The following PLK4 variants were observed in gnomAD, a reference collection of about 807,000 sequenced individuals.
PLK4 encodes the protein serine/threonine-protein kinase PLK4.
PLK4 carries 51 observed loss-of-function variants against 103.0 expected under a neutral mutation model. The ratio of observed to expected loss-of-function variants is 0.50; its 90% confidence interval spans 0.40 to 0.63. PLK4 has a LOEUF of 0.63. PLK4 is among the 20% of genes least tolerant of loss of function. PLK4 has a pLI of 0.00. For synonymous variants in PLK4, 389 were observed against 376.8 expected (o/e 1.03, Z -0.38); for missense variants, 1,054 against 1,151.0 (o/e 0.92, Z 1.22).
At position 127,891,090 on chromosome 4, in the gene PLK4, A is replaced by G. The variant is rs867173170; in HGVS notation, c.1831-2A>G. ...CTGATTTTGGGTTTTTTTTTTTTTT[A>G]GGTGAGCATACTTGATTCAGAGGAG... is the stretch of plus-strand genomic sequence containing the variant. On this transcript the variant is annotated splice_acceptor_variant, in intron 7 of 15. Transcript: ENST00000270861. LOFTEE classifies it high-confidence loss of function. 3 of 1,309,758 alleles carry G rather than the reference A, an allele frequency of 2.3e-6. No homozygotes were observed. The highest frequency in any genetic ancestry group is 3.1e-6 in the Non-Finnish European group (3 of 956,100). 81.1% of individuals were successfully genotyped at this position (1,309,758 alleles called of 1,614,324 possible).
chr4:127,889,236 C>T (rs1735259918), intron 6 of PLK4, among the ~76,000 whole-genome samples: 1 of 152,094 alleles, frequency 6.6e-6, no homozygotes, highest in South Asian at 2.1e-4. Flanking sequence ...TTTATATAAT[C>T]TGATCATTTA....
Position 127,893,290 on chromosome 4 carries a change from A to T in PLK4, c.2194A>T (p.Lys732Ter), listed in dbSNP as rs748592584. Residue 732 changes from lysine (K) to a stop codon, truncating the protein, a stop_gained, in exon 11 of 16, where the codon AAA becomes TAA. Coordinates refer to ENST00000270861, the MANE Select transcript of PLK4 (RefSeq NM_014264.5). LOFTEE classifies it high-confidence loss of function. ...DFEVWFYDGV[K>*]IHKTEDFIQV... ...TTCTGATTTTTTTTTTTTAGGGGTA[A>T]AAATACACAAAACAGAAGATTTCAT... 1 of 1,565,606 alleles carries T rather than the reference A, an allele frequency of 6.4e-7. No homozygotes were observed. The highest frequency in any genetic ancestry group is 2.0e-5 in the Admixed American group (1 of 50,476).
chr4:127,897,949 C>T (rs1478157162), intron 15 of PLK4, among the ~76,000 whole-genome samples: 6 of 144,574 alleles, frequency 4.2e-5, no homozygotes, highest in Non-Finnish European at 9.0e-5. Context: ...AGCAGTTCTC[C>T]TGCCTCAGCC....
rs578179613 is a variant in PLK4, at chr4:127,898,540, G to A, written c.2912G>A (p.Ter971=). 3 of 1,339,386 alleles carry A rather than the reference G, an allele frequency of 2.2e-6. No individual in the cohort carries two copies. In the African/African-American group the frequency reaches 4.4e-5, roughly 19 times the overall value. 83.0% of individuals were successfully genotyped at this position (1,339,386 alleles called of 1,614,324 possible). Residue 971 remains the stop codon, a stop_retained_variant, in exon 16 of 16, where the codon TGA becomes TAA. Transcript: ENST00000270861. ...TCTAATCCGACTCCTAATTTTCATT[G>A]ATTAAAACTCCTTTCAGACATATAA... ...MFSNPTPNFH[*] is the part of the protein sequence containing the mutation.
chr4:127,890,150 T>C lies in PLK4; in HGVS notation c.1744T>C (p.Tyr582His), dbSNP rs1350651898. The stretch of plus-strand genomic sequence containing the variant: ...TAGGGGTATGGAGCCACCATGGGGT[T>C]ATCAGAATCGTACATTAAGAAGCAT... ...KTRGMEPPWG[Y>H]QNRTLRSITS... Residue 582 changes from tyrosine to histidine, a missense_variant, in exon 7 of 16, where the codon TAT becomes CAT. Coordinates refer to ENST00000270861, the MANE Select transcript of PLK4 (RefSeq NM_014264.5). 2 of 1,613,970 alleles carry C rather than the reference T, an allele frequency of 1.2e-6. No homozygotes were observed. The highest frequency in any genetic ancestry group is 3.3e-5 in the Admixed American group (2 of 60,026).
chr4:127,893,297 A>T lies in PLK4; in HGVS notation c.2201A>T (p.His734Leu), dbSNP rs771715814. 1 of 1,573,164 alleles carries T rather than the reference A, an allele frequency of 6.4e-7. No homozygotes were observed. The highest frequency in any genetic ancestry group is 8.6e-7 in the Non-Finnish European group (1 of 1,159,634). Residue 734 changes from histidine (H) to leucine (L), a missense_variant, in exon 11 of 16, where the codon CAC (histidine) becomes CTC (leucine). Coordinates refer to ENST00000270861, the MANE Select transcript of PLK4 (RefSeq NM_014264.5). ...EVWFYDGVKI[H>L]KTEDFIQVIE... ...TTTTTTTTTTTAGGGGTAAAAATAC[A>T]CAAAACAGAAGATTTCATTCAGGTG...
rs70966059 is a variant in PLK4 at position 127,895,452 on chromosome 4, C to CTTTTTTTTTT, written c.2703+378_2703+387dup. Among the ~76,000 whole-genome samples, 267 of 65,192 alleles carry CTTTTTTTTTT rather than the reference C, an allele frequency of 4.1e-3. 53 individuals are homozygous for CTTTTTTTTTT. Among genetic ancestry groups the CTTTTTTTTTT allele is most frequent in the East Asian group, 0.024 (45 of 1,886 alleles). 42.8% of individuals were successfully genotyped at this position (65,192 alleles called of 152,430 possible). On this transcript the variant is annotated intron_variant, in intron 14 of 15. Coordinates refer to ENST00000270861, the MANE Select transcript of PLK4 (RefSeq NM_014264.5). Reference sequence around the variant, plus strand: ...TAATCAATATTAGTAGAGTAACTTTCTTTTTTTTTTTTTTTTTTTTTTTTT... The same window carrying CTTTTTTTTTT: ...TAATCAATATTAGTAGAGTAACTTTCTTTTTTTTTTTTTTTTTTTTTTTTTTTTTTTTTTT...
At chr4:127,894,895 G>A in intron 13 of PLK4, 58 bp from the exon 14 acceptor site, 1 of 1,172,940 alleles carries the variant, frequency 8.5e-7, no homozygotes, top group Non-Finnish European at 1.2e-6. Context: ...TGCTTTTGCT[G>A]AATGTGGCTT....
At chr4:127,895,602 T>C (rs1735537847) in intron 14 of PLK4, among the ~76,000 whole-genome samples, 1 of 151,736 alleles carries the variant, frequency 6.6e-6, no homozygotes, top group Non-Finnish European at 1.5e-5. Flanking sequence ...TTTCTATTTT[T>C]AGTAGAGACG....
In PLK4 at chr4:127,890,010, A is replaced by G. The variant is rs1476281080; in HGVS notation, c.1604A>G (p.His535Arg). The G allele has an allele frequency of 1.9e-6, 3 of 1,613,986 alleles. No homozygotes were observed. Among genetic ancestry groups the G allele is most frequent in the Admixed American group, 3.3e-5 (2 of 59,990 alleles). The change falls in exon 7 of 16, where the codon CAT (histidine) becomes CGT (arginine). Residue 535 changes from histidine (H) to arginine (R), a missense_variant. Physicochemically the swap from His to Arg is conservative, Grantham distance 29 (BLOSUM62 0). Around this residue, in one of 4 missense-constraint regions of PLK4, gnomAD observed 680 missense variants for 660.3 expected, o/e 1.03. Transcript: ENST00000270861. ...KKNSDASDNA[H>R]SVKQQNTMKY... ...AACTCTGATGCTTCTGATAATGCAC[A>G]TTCTGTAAAACAGCAAAATACCATG...
At chr4:127,889,126 C>G (rs1735255621) in intron 6 of PLK4, among the ~76,000 whole-genome samples, 1 of 151,878 alleles carries the variant, frequency 6.6e-6, no homozygotes, top group African/African-American at 2.4e-5. Context: ...AAAATACTTT[C>G]TGTCATAAGG....
At chr4:127,883,820 A>G (rs1045535095) in intron 4 of PLK4, among the ~76,000 whole-genome samples, 10 of 152,188 alleles carry the variant, frequency 6.6e-5, no homozygotes, top group African/African-American at 2.2e-4. Flanking sequence ...TTTACTGTGT[A>G]TCTTTTCAAA....
In PLK4 at chr4:127,890,158, T is replaced by C. The variant is rs1304169411; in HGVS notation, c.1752T>C (p.Asn584=). ...RGMEPPWGYQ[N]RTLRSITSPL... ...TGGAGCCACCATGGGGTTATCAGAA[T>C]CGTACATTAAGAAGCATTACATCTC... Residue 584 remains asparagine, a synonymous_variant, in exon 7 of 16, where the codon AAT becomes AAC. Transcript: ENST00000270861. The C allele has an allele frequency of 6.2e-7, 1 of 1,613,956 alleles. No individual in the cohort carries two copies. Among genetic ancestry groups the C allele is most frequent in the East Asian group, 2.2e-5 (1 of 44,878 alleles).
Position 127,893,436 on chromosome 4 carries a change from G to A in PLK4, c.2322+18G>A. On this transcript the variant is annotated intron_variant, in intron 11 of 15. Coordinates refer to ENST00000270861, the MANE Select transcript of PLK4 (RefSeq NM_014264.5). Reference sequence around the variant, plus strand: ...CTAATGAGGTACATACCTAATTGTAGGTTTTTCATACCAATTAATAATGAT... The same window carrying A: ...CTAATGAGGTACATACCTAATTGTAAGTTTTTCATACCAATTAATAATGAT... The A allele has an allele frequency of 6.2e-7, 1 of 1,601,262 alleles. No individual in the cohort carries two copies. Among genetic ancestry groups the A allele is most frequent in the Non-Finnish European group, 8.5e-7 (1 of 1,173,658 alleles).
intron 9 of PLK4, 37 bp downstream of exon 9, chr4:127,891,718 G>A: frequency 1.3e-6 from 1 of 780,940 alleles, no homozygotes; most frequent in Non-Finnish European, 2.0e-6. Context: ...TTTGATAGTA[G>A]ATTTATATGT....
In PLK4 at chr4:127,883,247, A is replaced by G; in HGVS notation, c.127-15A>G. ...TATTTGAAAGTCTGTCAACATTTAA[A>G]CCTGTTATTTTTAGATAGATAAGAA... is the stretch of plus-strand genomic sequence containing the variant. On this transcript the variant is annotated splice_polypyrimidine_tract_variant and intron_variant, in intron 2 of 15. Coordinates refer to ENST00000270861, the MANE Select transcript of PLK4 (RefSeq NM_014264.5). 7.6e-7 allele frequency: 1 copy of G among 1,317,094 alleles called. No individual in the cohort carries two copies. The highest frequency in any genetic ancestry group is 1.1e-6 in the Non-Finnish European group (1 of 926,360). 81.6% of individuals were successfully genotyped at this position (1,317,094 alleles called of 1,614,324 possible).
chr4:127,883,579 T>C lies in PLK4; in HGVS notation c.337+26T>C, dbSNP rs947480589. 3 of 1,057,294 alleles carry C rather than the reference T, an allele frequency of 2.8e-6. No homozygotes were observed. The African/African-American group carries it at 4.8e-5, about 17-fold the overall frequency. 65.5% of individuals were successfully genotyped at this position (1,057,294 alleles called of 1,614,324 possible). On this transcript the variant is annotated intron_variant, in intron 4 of 15. Transcript: ENST00000270861. ...GTAGGTGTGTGGTTTTTTTTGTTTGTTTTGTTTGGGTGGATAAAAGTTTTG... is the reference window on the plus strand; with the variant it reads ...GTAGGTGTGTGGTTTTTTTTGTTTGCTTTGTTTGGGTGGATAAAAGTTTTG...
intron 2 of PLK4, 81 bp from the exon 3 acceptor site, chr4:127,883,181 A>G (rs1734992764): frequency 1.4e-6 from 1 of 717,464 alleles, no homozygotes; most frequent in Admixed American, 2.7e-5. Context: ...AGTCTATTTT[A>G]AAGTATACTT....
At chr4:127,890,642 A>AT (rs970701057) in intron 7 of PLK4, among the ~76,000 whole-genome samples, 1 of 152,030 alleles carries the variant, frequency 6.6e-6, no homozygotes, top group Non-Finnish European at 1.5e-5. Context: ...TATAACTTTT[A>AT]TTTTTTTAGC....
Sources: allele counts gnomAD v4.1 joint callset (sites outside exome capture counted in the v4.1 genomes callset), GRCh38; gene constraint gnomAD v4.1.1; regional missense constraint gnomAD v4.1.1; transcripts MANE v1.5; gene names NCBI Gene and HGNC (gene_info 2026-07-23, HGNC 2026-07-21).